RAD21L1: variants seen among roughly 807,000 people sequenced by gnomAD.
RAD21L1 encodes the protein double-strand-break repair protein rad21-like protein 1.
RAD21L1 carries 47 observed loss-of-function variants against 69.0 expected under a neutral mutation model. The observed-to-expected ratio is 0.68, with a 90% CI of 0.54 to 0.87. RAD21L1 has a LOEUF of 0.87. RAD21L1 is among the 40% of genes least tolerant of loss of function. RAD21L1 has a pLI of 0.00. For missense variants in RAD21L1, 583 were observed against 647.6 expected (o/e 0.90, Z 1.08); for synonymous variants, 177 against 205.8 (o/e 0.86, Z 1.20).
intron 1 of RAD21L1, among the ~76,000 whole-genome samples, chr20:1,227,449 T>C (rs149448819): frequency 0.026 from 4,026 of 152,348 alleles, 179 homozygotes; most frequent in Admixed American, 0.12. Context: ...TAGACACTGA[T>C]GGAAGTTTAC....
chr20:1,226,309 C>G (rs1316365561), intron 1 of RAD21L1, 169 bp downstream of exon 1: 1 of 152,128 alleles, frequency 6.6e-6, no homozygotes, highest in Admixed American at 6.5e-5. Context: ...AAGGTCGTCG[C>G]CCGCAGCCCA....
Position 1,254,342 on chromosome 20 carries a change from C to T in RAD21L1, c.1553C>T (p.Ala518Val). The T allele has an allele frequency of 6.4e-7, 1 of 1,551,332 alleles. No individual in the cohort carries two copies. Among genetic ancestry groups the T allele is most frequent in the Non-Finnish European group, 8.7e-7 (1 of 1,146,808 alleles). Residue 518 changes from alanine to valine, a missense_variant, in exon 14 of 14, where the codon GCT becomes GTT. Coordinates refer to ENST00000683101, the MANE Select transcript of RAD21L1 (RefSeq NM_001384355.1). ...AGAAATAGTGACCGAAAACAAGCAGCTGCCAAATTTTATAGCTTTCTTGTC... is the reference window on the plus strand; with the variant it reads ...AGAAATAGTGACCGAAAACAAGCAGTTGCCAAATTTTATAGCTTTCTTGTC... ...LCRNSDRKQAAAKFYSFLVLK... is the reference protein window; with the variant it reads ...LCRNSDRKQAVAKFYSFLVLK...
chr20:1,233,642 T>G (rs1021911169), intron 4 of RAD21L1, among the ~76,000 whole-genome samples: 1 of 152,212 alleles, frequency 6.6e-6, no homozygotes, highest in Non-Finnish European at 1.5e-5. Context: ...GATGGCAACC[T>G]TCTCACCGTA....
At chr20:1,240,004 T>C (rs1199354005) in intron 7 of RAD21L1, among the ~76,000 whole-genome samples, 1 of 152,174 alleles carries the variant, frequency 6.6e-6, no homozygotes, top group Admixed American at 6.5e-5. Flanking sequence ...AGCAGACATA[T>C]AGTCAAATTG....
chr20:1,226,209 G>GCCACCCACATTCCCACACGCAC (rs2087255395), intron 1 of RAD21L1, 69 bp downstream of exon 1: 1 of 151,850 alleles, frequency 6.6e-6, no homozygotes, highest in Non-Finnish European at 1.5e-5. Flanking sequence ...GGGGGCCGCC[G>GCCACCCACATTCCCACACGCAC]CCACCCACAT....
intron 2 of RAD21L1, among the ~76,000 whole-genome samples, chr20:1,228,936 T>C (rs1484178597): frequency 2.6e-5 from 4 of 152,188 alleles, no homozygotes. Flanking sequence ...ATGGGGAGGA[T>C]AGAAAGAGGA....
At chr20:1,234,814 G>A (rs2087462446) in intron 5 of RAD21L1, among the ~76,000 whole-genome samples, 1 of 152,172 alleles carries the variant, frequency 6.6e-6, no homozygotes, top group South Asian at 2.1e-4. Context: ...GCATGATCAT[G>A]GCTTACTGAA....
chr20:1,233,853 C>T (rs1266210655), intron 4 of RAD21L1, among the ~76,000 whole-genome samples: 2 of 152,134 alleles, frequency 1.3e-5, no homozygotes, highest in Admixed American at 1.3e-4. Context: ...AAGTCAACAT[C>T]TAAGTCAAGT....
intron 6 of RAD21L1, 74 bp from the exon 7 acceptor site, chr20:1,239,238 A>G: frequency 1.3e-6 from 1 of 791,260 alleles, no homozygotes; most frequent in South Asian, 1.7e-5. Flanking sequence ...TGCATAAAGT[A>G]ACATTAATAA....
At chr20:1,238,374 T>G (rs2087542156) in intron 6 of RAD21L1, among the ~76,000 whole-genome samples, 160 bp downstream of exon 6, 1 of 152,248 alleles carries the variant, frequency 6.6e-6, no homozygotes, top group South Asian at 2.1e-4. Flanking sequence ...GTGGCATGTT[T>G]AAACATTTAG....
intron 5 of RAD21L1, among the ~76,000 whole-genome samples, chr20:1,236,593 TA>T (rs2087499215): frequency 6.6e-6 from 1 of 152,206 alleles, no homozygotes; most frequent in South Asian, 2.1e-4. Flanking sequence ...GAACTTTCTC[TA>T]TTGATTTCCT....
chr20:1,247,521 C>T (rs898766542), intron 12 of RAD21L1, among the ~76,000 whole-genome samples: 2 of 152,048 alleles, frequency 1.3e-5, no homozygotes, highest in Non-Finnish European at 2.9e-5. Flanking sequence ...TTAGAAAACT[C>T]TCTAGAATAA....
chr20:1,229,836 G>A (rs1308473022), intron 2 of RAD21L1, 44 bp from the exon 3 acceptor site: 1 of 1,397,532 alleles, frequency 7.2e-7, no homozygotes, highest in Non-Finnish European at 9.7e-7. Context: ...TAGGATTTAT[G>A]AACCTAATCT....
intron 2 of RAD21L1, among the ~76,000 whole-genome samples, chr20:1,229,617 C>T (rs1275478053): frequency 6.6e-6 from 1 of 152,162 alleles, no homozygotes; most frequent in African/African-American, 2.4e-5. Flanking sequence ...AAGACCTGAA[C>T]CCAATTCTGA....
intron 4 of RAD21L1, 21 bp downstream of exon 4, chr20:1,231,640 TC>T: frequency 8.5e-7 from 1 of 1,171,166 alleles, no homozygotes; most frequent in Admixed American, 2.4e-5. Flanking sequence ...TTATTTATTT[TC>T]CTTCGATTTA....
intron 5 of RAD21L1, among the ~76,000 whole-genome samples, chr20:1,237,252 G>A (rs1446714558): frequency 6.6e-6 from 1 of 152,172 alleles, no homozygotes; most frequent in Non-Finnish European, 1.5e-5. Flanking sequence ...AATAACTGAT[G>A]TCTGGTCAAG....
intron 4 of RAD21L1, among the ~76,000 whole-genome samples, chr20:1,232,295 G>A (rs951827707): frequency 3.3e-5 from 5 of 152,128 alleles, no homozygotes; most frequent in African/African-American, 9.7e-5. Context: ...ATACTACAGC[G>A]GGACTTTTAT....
chr20:1,230,558 A>T (rs2122768749), intron 3 of RAD21L1: 1 of 415,690 alleles, frequency 2.4e-6, no homozygotes, highest in Middle Eastern at 1.2e-3. Flanking sequence ...TATTATGGCT[A>T]CTTAGGTATG....
At position 1,228,556 on chromosome 20, in the gene RAD21L1, T is replaced by G. The variant is rs1327686604; in HGVS notation, c.103T>G (p.Cys35Gly). The change falls in exon 2 of 14, where the codon TGT becomes GGT. Residue 35 changes from cysteine to glycine, a missense_variant. Cys to Gly is a radical substitution (Grantham distance 159, BLOSUM62 -3). Coordinates refer to ENST00000683101, the MANE Select transcript of RAD21L1 (RefSeq NM_001384355.1). ...KKLTKAHVFE[C>G]NLEITIEKIL... ...ACTCACAAAGGCCCATGTATTTGAA[T>G]GTAATCTAGAGATAACCATTGAAAA... The G allele has an allele frequency of 4.3e-5, 66 of 1,549,618 alleles. No individual in the cohort carries two copies. Among genetic ancestry groups the G allele is most frequent in the Non-Finnish European group, 5.7e-5 (65 of 1,146,092 alleles).
Sources: allele counts gnomAD v4.1 joint callset (sites outside exome capture counted in the v4.1 genomes callset), GRCh38; gene constraint gnomAD v4.1.1; transcripts MANE v1.5; gene names NCBI Gene and HGNC (gene_info 2026-07-23, HGNC 2026-07-21).